RBFOX1: variants seen among roughly 807,000 people sequenced by gnomAD.
RBFOX1 encodes RNA binding protein fox-1 homolog 1.
Under a neutral mutation model 57.7 loss-of-function variants are expected in RBFOX1, and 8 were observed. That is an observed-to-expected ratio of 0.14 (90% CI 0.08 to 0.25). The LOEUF (loss-of-function observed/expected upper bound fraction) is 0.25. Ranked by LOEUF, RBFOX1 falls within the 10% of genes least tolerant of loss-of-function variation. The probability of loss-of-function intolerance (pLI) is 1.00; values close to 1 mark genes in which losing one functional copy is unlikely to be tolerated. For missense variants in RBFOX1, 611 were observed against 548.5 expected, an observed-to-expected ratio of 1.11 and a Z score of -1.14; for synonymous variants, 326 against 222.4, an observed-to-expected ratio of 1.47 and a Z score of -4.15.
chr16:6,581,179 C>A (rs112492125), intron 2 of RBFOX1, among the ~76,000 whole-genome samples: 191 of 152,208 alleles, frequency 1.3e-3, no homozygotes, highest in African/African-American at 4.5e-3. Flanking sequence ...CCACGCCCAC[C>A]CCTAATGAAG....
At position 6,506,947 on chromosome 16, in the gene RBFOX1, C is replaced by T. The variant is rs1180002866; in HGVS notation, c.-63-147656C>T. On this transcript the variant is annotated intron_variant, in intron 2 of 15. Transcript: ENST00000550418. ...ACAGTCATGAGCCACCGTGCCCAGC[C>T]TTAGTAGTAGCTAATCTTTAGTGTG... Among the ~76,000 whole-genome samples, 4 of 152,242 alleles carry T rather than the reference C, an allele frequency of 2.6e-5. No homozygotes were observed. The South Asian group carries it at 8.3e-4, about 32-fold the overall frequency.
intron 4 of RBFOX1, among the ~76,000 whole-genome samples, chr16:7,400,299 A>G (rs371885444): frequency 6.6e-6 from 1 of 152,190 alleles, no homozygotes; most frequent in East Asian, 1.9e-4. Context: ...AAGGATAGGC[A>G]TTAAAAATAA....
At chr16:6,875,242 A>G (rs761839635) in intron 3 of RBFOX1, among the ~76,000 whole-genome samples, 1 of 152,232 alleles carries the variant, frequency 6.6e-6, no homozygotes, top group Non-Finnish European at 1.5e-5. Context: ...GTAATTCAGG[A>G]AATTTCAGTA....
chr16:5,847,531 G>C (rs2056788812), intron 3 of RBFOX1, among the ~76,000 whole-genome samples: 1 of 152,194 alleles, frequency 6.6e-6, no homozygotes, highest in African/African-American at 2.4e-5. Context: ...TCTTACCAAA[G>C]GCTGAGTTTT....
At chr16:7,661,333 T>C (rs935769919) in intron 12 of RBFOX1, among the ~76,000 whole-genome samples, 3 of 152,158 alleles carry the variant, frequency 2.0e-5, no homozygotes, top group Admixed American at 1.3e-4. Context: ...GAAGCCACCA[T>C]ATTTAGACCC....
intron 2 of RBFOX1, among the ~76,000 whole-genome samples, chr16:6,522,619 C>A (rs550925513): frequency 6.6e-6 from 1 of 152,068 alleles, no homozygotes; most frequent in Non-Finnish European, 1.5e-5. Flanking sequence ...TGTTCAGAAA[C>A]CATAACTTGG....
At chr16:5,921,951 C>G (rs544449706) in intron 4 of RBFOX1, among the ~76,000 whole-genome samples, 1 of 151,150 alleles carries the variant, frequency 6.6e-6, no homozygotes, top group Non-Finnish European at 1.5e-5. Context: ...TAGGAGTTTG[C>G]GACTAGCATG....
intron 11 of RBFOX1, among the ~76,000 whole-genome samples, chr16:7,633,320 AAATT>A: frequency 6.6e-6 from 1 of 152,362 alleles, no homozygotes; most frequent in South Asian, 2.1e-4. Context: ...TTTAAAGTAA[AAATT>A]AACAATTATG....
intron 1 of RBFOX1, among the ~76,000 whole-genome samples, chr16:6,211,896 C>A (rs1258156495): frequency 6.6e-6 from 1 of 151,802 alleles, no homozygotes; most frequent in Non-Finnish European, 1.5e-5. Context: ...GTCACTCAGG[C>A]TGGAGTGAAG....
chr16:6,318,124 G>A (rs1599577517), intron 2 of RBFOX1, among the ~76,000 whole-genome samples: 1 of 152,016 alleles, frequency 6.6e-6, no homozygotes, highest in Non-Finnish European at 1.5e-5. Context: ...CAGAGGGGAA[G>A]GAGGCAGAGA....
intron 1 of RBFOX1, among the ~76,000 whole-genome samples, chr16:6,229,029 T>G (rs1478911438): frequency 1.3e-5 from 2 of 152,116 alleles, no homozygotes; most frequent in Non-Finnish European, 2.9e-5. Context: ...CCACAATTGT[T>G]GGAGGACAGT....
At chr16:5,840,927 C>CT (rs1466860463) in intron 3 of RBFOX1, among the ~76,000 whole-genome samples, 1 of 152,110 alleles carries the variant, frequency 6.6e-6, no homozygotes, top group Admixed American at 6.5e-5. Flanking sequence ...CCAAAATGGC[C>CT]TTTTTTCTTC....
At chr16:6,248,817 G>A (rs768281219) in intron 1 of RBFOX1, among the ~76,000 whole-genome samples, 26 of 152,112 alleles carry the variant, frequency 1.7e-4, no homozygotes, top group Non-Finnish European at 2.4e-4. Context: ...CGCATCCATA[G>A]CCACATGCAT....
intron 3 of RBFOX1, among the ~76,000 whole-genome samples, chr16:6,670,829 C>G (rs1394754224): frequency 2.0e-5 from 3 of 151,300 alleles, no homozygotes; most frequent in South Asian, 2.1e-4. Context: ...AACCCTGTCT[C>G]TACTAAAAAT....
intron 4 of RBFOX1, among the ~76,000 whole-genome samples, chr16:7,282,545 T>C (rs996592372): frequency 6.6e-6 from 1 of 151,214 alleles, no homozygotes; most frequent in Non-Finnish European, 1.5e-5. Context: ...CTCTCTGTTC[T>C]CTGGTTGATT....
intron 4 of RBFOX1, among the ~76,000 whole-genome samples, chr16:7,197,815 C>G (rs185293309): frequency 1.1e-4 from 16 of 152,100 alleles, no homozygotes; most frequent in African/African-American, 3.9e-4. Flanking sequence ...AGGAACCAGA[C>G]ACAAAAGGTC....
At chr16:5,713,128 G>A (rs1014601757) in intron 3 of RBFOX1, among the ~76,000 whole-genome samples, 1 of 152,192 alleles carries the variant, frequency 6.6e-6, no homozygotes, top group African/African-American at 2.4e-5. Context: ...TGAATGAACC[G>A]ACACTGAATG....
At chr16:6,887,017 G>C (rs2064211719) in intron 3 of RBFOX1, among the ~76,000 whole-genome samples, 1 of 152,112 alleles carries the variant, frequency 6.6e-6, no homozygotes, top group Admixed American at 6.6e-5. Flanking sequence ...TTTCTGGTTT[G>C]ATTATCTTCC....
chr16:6,999,989 T>C (rs2092640924), intron 3 of RBFOX1, among the ~76,000 whole-genome samples: 1 of 151,694 alleles, frequency 6.6e-6, no homozygotes, highest in Non-Finnish European at 1.5e-5. Context: ...GGAGAATTGC[T>C]TGGACCTAGC....
Sources: allele counts gnomAD v4.1 joint callset (sites outside exome capture counted in the v4.1 genomes callset), GRCh38; gene constraint gnomAD v4.1.1; transcripts MANE v1.5; gene names NCBI Gene and HGNC (gene_info 2026-07-23, HGNC 2026-07-21).